Variants in LIMS2 observed in about 807,000 individuals in gnomAD.
LIMS2 encodes LIM and senescent cell antigen-like-containing domain protein 2.
LIMS2 carries 30 observed loss-of-function variants against 45.3 expected under a neutral mutation model. The ratio of observed to expected loss-of-function variants is 0.66; its 90% CI spans 0.50 to 0.90. The LOEUF is 0.90. Ranked by LOEUF, LIMS2 falls within the 40% of genes least tolerant of loss-of-function variation. The pLI, the probability that LIMS2 is intolerant of heterozygous loss-of-function variation, is 0.00. For missense variants in LIMS2, 485 were observed against 468.7 expected (o/e 1.03, Z -0.32); for synonymous variants, 173 against 188.0 (o/e 0.92, Z 0.65).
intron 1 of LIMS2, among the ~76,000 whole-genome samples, chr2:127,662,442 A>G (rs894047014): frequency 6.6e-6 from 1 of 151,886 alleles, no homozygotes; most frequent in Admixed American, 6.6e-5. Flanking sequence ...CCCCGCCTCC[A>G]TGAAGCCAGC....
intron 1 of LIMS2, among the ~76,000 whole-genome samples, chr2:127,668,679 A>C (rs1300716929): frequency 3.8e-5 from 4 of 106,506 alleles, no homozygotes; most frequent in African/African-American, 1.5e-4. Context: ...AAAAAAAAAA[A>C]AAAAAAAAAA....
At chr2:127,674,057 C>A (rs1685400213) in intron 1 of LIMS2, 2 of 373,764 alleles carry the variant, frequency 5.4e-6, no homozygotes, top group Non-Finnish European at 1.0e-5. Context: ...AGACCCCAGG[C>A]CACAGCCTTA....
In LIMS2 at chr2:127,647,313, C is replaced by G. The variant is rs931544071; in HGVS notation, c.360-4241G>C. ...CTGAGACTGAGTCACACTCCCCACC[C>G]TGGCGGTCTTCCAGGGAGTGAGACC... is the stretch of plus-strand genomic sequence containing the variant. On this transcript the variant is annotated intron_variant, in intron 4 of 9. Coordinates refer to ENST00000355119, the MANE Select transcript of LIMS2 (RefSeq NM_001161403.3). The surrounding 1 kb of genome is among the most constrained non-coding windows in gnomAD (Gnocchi z 4.3). 6.6e-6 allele frequency among the ~76,000 whole-genome samples: 1 copy of G among 152,210 alleles called. No homozygotes were observed. Among genetic ancestry groups the G allele is most frequent in the African/African-American group, 2.4e-5 (1 of 41,456 alleles).
At chr2:127,640,248 G>A in intron 8 of LIMS2, 22 bp downstream of exon 8, 1 of 1,613,160 alleles carries the variant, frequency 6.2e-7, no homozygotes, top group Non-Finnish European at 8.5e-7. Context: ...GGTGGGGTGG[G>A]GGAGGGAACA....
In LIMS2 at chr2:127,642,659, C is replaced by T; in HGVS notation, c.509+264G>A. ...ACTGCTCCATCTCAACCCTCGTCTGCAGTCTAGGGGTCCAGCCCACCCGCC... is the reference window on the plus strand; with the variant it reads ...ACTGCTCCATCTCAACCCTCGTCTGTAGTCTAGGGGTCCAGCCCACCCGCC... On this transcript the variant is annotated intron_variant, in intron 5 of 9. Transcript: ENST00000355119. This position sits in a 1 kb window ranked among gnomAD's most constrained non-coding sequence, Gnocchi z 5.3. 2.0e-6 allele frequency: 1 copy of T among 490,338 alleles called. No homozygotes were observed. The highest frequency in any genetic ancestry group is 3.7e-6 in the Non-Finnish European group (1 of 272,868). The allele number at this position is 490,338 out of a possible 1,614,324, so 30.4% of individuals were successfully genotyped here. A position where few individuals can be genotyped will look rare whatever the true frequency, so the allele number is the denominator to read the frequency against.
At chr2:127,661,121 G>C (rs1558895125) in intron 1 of LIMS2, among the ~76,000 whole-genome samples, 1 of 152,260 alleles carries the variant, frequency 6.6e-6, no homozygotes, top group Non-Finnish European at 1.5e-5. Context: ...GACTCCTGCA[G>C]GGGAGGAAGA....
chr2:127,655,880 C>A, intron 2 of LIMS2: 1 of 152,492 alleles, frequency 6.6e-6, no homozygotes. Flanking sequence ...CCACCGCCAC[C>A]ACAAGCACAA....
chr2:127,650,037 G>C (rs1405423510), intron 4 of LIMS2: 4 of 1,608,960 alleles, frequency 2.5e-6, no homozygotes, highest in Non-Finnish European at 3.4e-6. Context: ...TGGTGGGCTG[G>C]ATCCAGAAAG....
intron 4 of LIMS2, chr2:127,650,545 C>T (rs964981480): frequency 1.7e-5 from 10 of 597,580 alleles, no homozygotes; most frequent in East Asian, 2.8e-5. Context: ...ATGCCTCTGA[C>T]GCTCACGCAC....
chr2:127,651,757 C>T (rs372407392), intron 4 of LIMS2: 19 of 1,609,648 alleles, frequency 1.2e-5, no homozygotes, highest in East Asian at 4.5e-5. Flanking sequence ...GAGCTGTGAG[C>T]GGGGGGCGCC....
chr2:127,674,933 T>C, intron 1 of LIMS2, 81 bp downstream of exon 1: 1 of 1,223,094 alleles, frequency 8.2e-7, no homozygotes, highest in East Asian at 3.2e-5. Flanking sequence ...GCCGCGGGGC[T>C]GTACGAGGGC....
In LIMS2 at chr2:127,642,930, G is replaced by T; in HGVS notation, c.502C>A (p.His168Asn). Residue 168 changes from histidine to asparagine, a missense_variant, in exon 5 of 10, where the codon CAC (histidine) becomes AAC (asparagine). His to Asn is a moderately conservative substitution (Grantham distance 68, BLOSUM62 1). Coordinates refer to ENST00000355119, the MANE Select transcript of LIMS2 (RefSeq NM_001161403.3). The surrounding 1 kb of genome is among the most constrained non-coding windows in gnomAD (Gnocchi z 5.3). ...AYHPDHFNCT[H>N]CGKELTAEAR... is the part of the protein sequence containing the mutation. ...GCCGGGCTGCGCACCTACCCACAGT[G>T]GGTGCAGTTGAAGTGGTCAGGGTGG... is the stretch of plus-strand genomic sequence containing the variant. The T allele has an allele frequency of 6.4e-7, 1 of 1,562,154 alleles. No homozygotes were observed. The highest frequency in any genetic ancestry group is 2.4e-5 in the East Asian group (1 of 41,662).
intron 2 of LIMS2, chr2:127,655,185 G>C (rs1016824037): frequency 1.9e-6 from 1 of 539,722 alleles, no homozygotes; most frequent in Admixed American, 3.1e-5. Context: ...TTGGTCCGGA[G>C]AACAGGCTGG....
At chr2:127,677,602 C>T (rs1196623885), upstream of LIMS2, among the ~76,000 whole-genome samples, 2 of 152,018 alleles carry the variant, frequency 1.3e-5, no homozygotes, top group Non-Finnish European at 2.9e-5. The surrounding 1 kb of genome is among the most constrained non-coding windows in gnomAD (Gnocchi z 5.0). Flanking sequence ...GGGGAGGTGG[C>T]AGGTGGAGGG....
At chr2:127,649,872 G>T in intron 4 of LIMS2, 1 of 705,304 alleles carries the variant, frequency 1.4e-6, no homozygotes, top group Non-Finnish European at 2.4e-6. Flanking sequence ...TGTCTCTGAC[G>T]CTGGGTAAAA....
upstream of LIMS2, among the ~76,000 whole-genome samples, chr2:127,680,076 C>T (rs903249936): frequency 6.6e-6 from 1 of 152,242 alleles, no homozygotes. Context: ...CGAATATCAA[C>T]ACAAAGTTCA....
intron 4 of LIMS2, chr2:127,648,049 G>C: frequency 1.0e-6 from 1 of 985,692 alleles, no homozygotes; most frequent in Non-Finnish European, 1.2e-6. Flanking sequence ...CGCCTTCTTC[G>C]GCCCTCAGCT....
In LIMS2 at chr2:127,653,550, C is replaced by G. The variant is rs545043607; in HGVS notation, c.359+874G>C. 5.3e-5 allele frequency among the ~76,000 whole-genome samples: 8 copies of G among 152,252 alleles called. No homozygotes were observed. The highest frequency in any genetic ancestry group is 1.9e-4 in the African/African-American group (8 of 41,532). On this transcript the variant is annotated intron_variant, in intron 4 of 9. Transcript: ENST00000355119. The surrounding 1 kb of genome is among the most constrained non-coding windows in gnomAD (Gnocchi z 5.3). Reference sequence around the variant, plus strand: ...AGCCATGAGGGCCGGGCACGGAGCCCCAGACGACTCCCCATGGAGAGACAG... The same window carrying G: ...AGCCATGAGGGCCGGGCACGGAGCCGCAGACGACTCCCCATGGAGAGACAG...
chr2:127,657,089 G>A (rs1384590173), intron 2 of LIMS2, among the ~76,000 whole-genome samples: 3 of 152,184 alleles, frequency 2.0e-5, no homozygotes, highest in Non-Finnish European at 2.9e-5. Context: ...CCATGCGGTT[G>A]CTGTGCTCAC....
Sources: allele counts gnomAD v4.1 joint callset (sites outside exome capture counted in the v4.1 genomes callset), GRCh38; gene constraint gnomAD v4.1.1; non-coding constraint Gnocchi (gnomAD v3.1); transcripts MANE v1.5; gene names NCBI Gene and HGNC (gene_info 2026-07-23, HGNC 2026-07-21).